The following CAB39 variants were observed in gnomAD, a reference collection of about 807,000 sequenced individuals.
CAB39 encodes calcium-binding protein 39.
CAB39 carries 8 observed loss-of-function variants against 40.0 expected under a neutral mutation model. The ratio of observed to expected loss-of-function variants is 0.20; its 90% CI spans 0.12 to 0.36. The LOEUF is 0.36. Ranked by LOEUF, CAB39 falls within the 10% of genes least tolerant of loss-of-function variation. The probability of loss-of-function intolerance (pLI) is 1.00; values close to 1 mark genes in which losing one functional copy is unlikely to be tolerated. For missense variants in CAB39, 270 were observed against 401.1 expected (o/e 0.67, Z 2.79); for synonymous variants, 156 against 141.6 (o/e 1.10, Z -0.72).
At chr2:230,768,018 T>TATGCACAGGAAA (rs1695417516) in intron 2 of CAB39, among the ~76,000 whole-genome samples, 1 of 152,210 alleles carries the variant, frequency 6.6e-6, no homozygotes, top group Non-Finnish European at 1.5e-5. Flanking sequence ...TACGTAATGA[T>TATGCACAGGAAA]ATATGCTTGC....
chr2:230,753,555 C>G (rs1459224159), intron 1 of CAB39, among the ~76,000 whole-genome samples: 2 of 151,904 alleles, frequency 1.3e-5, no homozygotes, highest in Non-Finnish European at 2.9e-5. Context: ...GAGTTCAAGA[C>G]CAGCCTGGCC....
chr2:230,783,130 A>G (rs2124947146), intron 2 of CAB39, among the ~76,000 whole-genome samples: 1 of 152,140 alleles, frequency 6.6e-6, no homozygotes, highest in Non-Finnish European at 1.5e-5. Flanking sequence ...CCCGGCCCAG[A>G]CTGCTCTTTC....
chr2:230,758,056 T>G (rs143991712), intron 1 of CAB39, among the ~76,000 whole-genome samples: 2,559 of 152,258 alleles, frequency 0.017, 69 homozygotes, highest in African/African-American at 0.052. Context: ...CCCAGCACTT[T>G]GGGAGGCCGA....
chr2:230,794,343 T>C lies in CAB39; in HGVS notation c.398+1012T>C, dbSNP rs567387059. Among the ~76,000 whole-genome samples, 17 of 152,332 alleles carry C rather than the reference T, an allele frequency of 1.1e-4. No homozygotes were observed. The South Asian group carries it at 3.3e-3, about 30-fold the overall frequency. On this transcript the variant is annotated intron_variant, in intron 4 of 8. Transcript: ENST00000258418. Reference sequence around the variant, plus strand: ...GGGATACAGAACTTTTGGCATCTAATTTTGTGTTGTATCAATTCAGAGTTG... The same window carrying C: ...GGGATACAGAACTTTTGGCATCTAACTTTGTGTTGTATCAATTCAGAGTTG...
At chr2:230,784,910 A>G (rs1260169094) in intron 2 of CAB39, among the ~76,000 whole-genome samples, 1 of 152,192 alleles carries the variant, frequency 6.6e-6, no homozygotes, top group Non-Finnish European at 1.5e-5. Flanking sequence ...ATTGGCTGGG[A>G]TAGGACCTCA....
intron 2 of CAB39, among the ~76,000 whole-genome samples, chr2:230,766,586 A>C (rs950211025): frequency 6.6e-6 from 1 of 152,222 alleles, no homozygotes; most frequent in Non-Finnish European, 1.5e-5. Flanking sequence ...CTTAGGCTGG[A>C]GTGCAGTGGC....
At position 230,743,916 on chromosome 2, in the gene CAB39, C is replaced by CTTTT. The variant is rs1184035557; in HGVS notation, c.-43-16025_-43-16022dup. Among the ~76,000 whole-genome samples, 4 of 127,726 alleles carry CTTTT rather than the reference C, an allele frequency of 3.1e-5. No individual in the cohort carries two copies. The South Asian group carries it at 7.4e-4, about 24-fold the overall frequency. 83.8% of individuals were successfully genotyped at this position (127,726 alleles called of 152,430 possible). A position where few individuals can be genotyped will look rare whatever the true frequency, so the allele number is the denominator to read the frequency against. ...AGTCACAGAGCTCTGATACATGATA[C>CTTTT]TTTTTTTTTTTTTTTTTTTTTAAGA... On this transcript the variant is annotated intron_variant, in intron 1 of 8. Coordinates refer to ENST00000258418, the MANE Select transcript of CAB39 (RefSeq NM_016289.4).
At chr2:230,785,504 G>C (rs144218394) in intron 2 of CAB39, among the ~76,000 whole-genome samples, 3 of 152,056 alleles carry the variant, frequency 2.0e-5, no homozygotes, top group Non-Finnish European at 4.4e-5. Context: ...GATTGACTCT[G>C]TGAGGAGGAG....
At chr2:230,762,374 G>A (rs961587477) in intron 2 of CAB39, among the ~76,000 whole-genome samples, 10 of 152,332 alleles carry the variant, frequency 6.6e-5, no homozygotes, top group Middle Eastern at 3.4e-3. Flanking sequence ...AACTCAGAGG[G>A]TAATAGCACA....
intron 2 of CAB39, among the ~76,000 whole-genome samples, chr2:230,761,888 T>TTTGTTG (rs55722046): frequency 0.08 from 12,013 of 149,874 alleles, 522 homozygotes; most frequent in Middle Eastern, 0.09. Flanking sequence ...TTGTTTTTTA[T>TTTGTTG]TTGTTGTTGT....
chr2:230,723,722 G>A (rs1051256794), intron 1 of CAB39, among the ~76,000 whole-genome samples: 5 of 152,184 alleles, frequency 3.3e-5, no homozygotes, highest in Admixed American at 6.5e-5. Flanking sequence ...AGAACTCAGC[G>A]TATGTCTTGC....
intron 2 of CAB39, among the ~76,000 whole-genome samples, chr2:230,761,060 A>ATT (rs60147780): frequency 4.2e-4 from 60 of 143,060 alleles, no homozygotes; most frequent in African/African-American, 1.3e-3. Flanking sequence ...CAGAGTTTGG[A>ATT]TTTTTTTTTT....
At chr2:230,801,895 C>G (rs941141509) in intron 5 of CAB39, among the ~76,000 whole-genome samples, 3 of 151,568 alleles carry the variant, frequency 2.0e-5, no homozygotes, top group African/African-American at 7.3e-5. Context: ...CTAAATATGT[C>G]CAAAATTCAT....
intron 1 of CAB39, among the ~76,000 whole-genome samples, chr2:230,727,719 C>T (rs1355136812): frequency 4.6e-5 from 7 of 151,866 alleles, no homozygotes; most frequent in East Asian, 1.9e-4. Flanking sequence ...CTGGCCTTAA[C>T]TCATGGAATA....
intron 7 of CAB39, among the ~76,000 whole-genome samples, chr2:230,814,336 G>A (rs749682966): frequency 1.3e-5 from 2 of 152,212 alleles, no homozygotes; most frequent in African/African-American, 4.8e-5. Context: ...GGGAATGAAC[G>A]GGAGTTTGAA....
intron 1 of CAB39, among the ~76,000 whole-genome samples, chr2:230,757,368 A>T (rs915719776): frequency 6.6e-5 from 10 of 152,220 alleles, no homozygotes; most frequent in African/African-American, 2.4e-4. Flanking sequence ...AAGTGCTGAG[A>T]TTACAGACGT....
At chr2:230,797,401 T>C (rs999865597) in intron 4 of CAB39, among the ~76,000 whole-genome samples, 3 of 152,184 alleles carry the variant, frequency 2.0e-5, no homozygotes, top group African/African-American at 7.2e-5. Flanking sequence ...AGTAGCTATA[T>C]GTGGCCAATC....
chr2:230,747,643 T>G (rs182491244), intron 1 of CAB39, among the ~76,000 whole-genome samples: 1 of 152,224 alleles, frequency 6.6e-6, no homozygotes, highest in South Asian at 2.1e-4. Flanking sequence ...GGGGGAAAAT[T>G]AGCGCAAAAT....
chr2:230,789,008 C>T (rs1413085537), intron 2 of CAB39, among the ~76,000 whole-genome samples: 1 of 152,194 alleles, frequency 6.6e-6, no homozygotes. Context: ...CTTTTGGGGG[C>T]TGCAGTTACA....
Sources: gnomAD v4.1 joint callset for allele counts (sites outside exome capture counted in the v4.1 genomes callset) on GRCh38, gnomAD v4.1.1 for gene constraint, MANE v1.5 for transcripts, NCBI Gene and HGNC (gene_info 2026-07-23, HGNC 2026-07-21) for gene names.